The following IFRD2 variants were observed in gnomAD, a reference collection of about 807,000 sequenced individuals.
IFRD2 encodes interferon related developmental regulator 2.
IFRD2 carries 35 observed loss-of-function variants against 49.2 expected under a neutral mutation model. That is an observed-to-expected ratio of 0.71 (90% CI 0.54 to 0.94). The LOEUF is 0.94. Among genes scored for constraint, IFRD2 ranks in the 40% least tolerant of loss-of-function variants. IFRD2 has a pLI of 0.00. For missense variants in IFRD2, 561 were observed against 591.6 expected (o/e 0.95, Z 0.54); for synonymous variants, 275 against 239.7 (o/e 1.15, Z -1.36).
rs782257026 is a variant in IFRD2, at chr3:50,290,525, C to T, written c.178+35G>A. On this transcript the variant is annotated intron_variant, in intron 2 of 11. Coordinates refer to ENST00000417626, the MANE Select transcript of IFRD2 (RefSeq NM_006764.5). ...TCTTGTCCTCAGCCCATGGAGCCCT[C>T]ACCAAGCCCCTGTCAAACTTCCACC... 5.0e-6 allele frequency: 8 copies of T among 1,608,730 alleles called. No homozygotes were observed. The East Asian group carries it at 1.6e-4, about 31-fold the overall frequency.
In IFRD2 at chr3:50,288,922, C is replaced by T. The variant is rs200003252; in HGVS notation, c.901G>A (p.Glu301Lys). The T allele has an allele frequency of 4.6e-5, 74 of 1,612,386 alleles. No homozygotes were observed. Among genetic ancestry groups the T allele is most frequent in the South Asian group, 8.8e-5 (8 of 90,760 alleles). The stretch of plus-strand genomic sequence containing the variant: ...ACACTGCAGAGGGCCTCCATGTCCT[C>T]GTAAACAAACTCCTCCTGCAATGGG... Reference protein sequence around the residue: ...ARDLEEEFVYEDMEALCSVLR... With the variant: ...ARDLEEEFVYKDMEALCSVLR... The change falls in exon 9 of 12, where the codon GAG (glutamate) becomes AAG (lysine). Residue 301 changes from glutamate (E) to lysine (K), a missense_variant. Transcript: ENST00000417626.
At chr3:50,290,743 C>A (rs1413633134) in intron 1 of IFRD2, 64 bp from the exon 2 acceptor site, 22 of 1,571,330 alleles carry the variant, frequency 1.4e-5, no homozygotes, top group Middle Eastern at 1.7e-4. Flanking sequence ...GGGGGTACCT[C>A]ACTCGACCTC....
In IFRD2 at chr3:50,289,310, C is replaced by T. The variant is rs201634662; in HGVS notation, c.830G>A (p.Arg277Gln). Residue 277 changes from arginine (R) to glutamine (Q), a missense_variant, in exon 8 of 12, where the codon CGG becomes CAG. Coordinates refer to ENST00000417626, the MANE Select transcript of IFRD2 (RefSeq NM_006764.5). The stretch of plus-strand genomic sequence containing the variant: ...TGCAATGGTTTCACCGGCAGCGATC[C>T]GCAGGTTCACACTTTCACTGGACAA... ...QLLSSESVNL[R>Q]IAAGETIALL... is the part of the protein sequence containing the mutation. 2.4e-5 allele frequency: 39 copies of T among 1,600,136 alleles called. No individual in the cohort carries two copies. The highest frequency in any genetic ancestry group is 3.4e-5 in the South Asian group (3 of 88,550).
chr3:50,292,241 T>C lies in IFRD2; in HGVS notation c.34A>G (p.Lys12Glu). Residue 12 changes from lysine to glutamate, a missense_variant, in exon 1 of 12, where the codon AAG becomes GAG. By Grantham distance (56) the Lys-to-Glu change is moderately conservative. Coordinates refer to ENST00000417626, the MANE Select transcript of IFRD2 (RefSeq NM_006764.5). ...PRARKGNTLR[K>E]GGQRRGGGAR... ...CCTCCTCCACGGCGCTGACCACCCT[T>C]CCGGAGCGTGTTGCCCTTACGGGCG... is the stretch of plus-strand genomic sequence containing the variant. The C allele has an allele frequency of 4.6e-6, 7 of 1,513,544 alleles. No homozygotes were observed. Among genetic ancestry groups the C allele is most frequent in the Non-Finnish European group, 6.2e-6 (7 of 1,134,514 alleles). The allele number at this position is 1,513,544 out of a possible 1,614,324, so 93.8% of individuals were successfully genotyped here. A position where few individuals can be genotyped will look rare whatever the true frequency, so the allele number is the denominator to read the frequency against.
Position 50,290,415 on chromosome 3 carries a change from T to G in IFRD2, c.236A>C (p.Glu79Ala). The G allele has an allele frequency of 1.3e-6, 2 of 1,579,222 alleles. No homozygotes were observed. Among genetic ancestry groups the G allele is most frequent in the Non-Finnish European group, 1.7e-6 (2 of 1,161,756 alleles). Reference sequence around the variant, plus strand: ...CTTGTCTGTGAGACAGTCCACATACTCCTTCAGCTTTTCCTCAAGGTCTTC... The same window carrying G: ...CTTGTCTGTGAGACAGTCCACATACGCCTTCAGCTTTTCCTCAAGGTCTTC... ...QQEDLEEKLKEYVDCLTDKSA... is the reference protein window; with the variant it reads ...QQEDLEEKLKAYVDCLTDKSA... Residue 79 changes from glutamate (E) to alanine (A), a missense_variant, in exon 3 of 12, where the codon GAG (glutamate) becomes GCG (alanine). Physicochemically the swap from Glu to Ala is moderately radical, Grantham distance 107 (BLOSUM62 -1). Transcript: ENST00000417626.
At position 50,288,101 on chromosome 3, in the gene IFRD2, C is replaced by T; in HGVS notation, c.*90G>A. 8.4e-7 allele frequency: 1 copy of T among 1,184,212 alleles called. No homozygotes were observed. Among genetic ancestry groups the T allele is most frequent in the Non-Finnish European group, 1.2e-6 (1 of 815,570 alleles). The allele number at this position is 1,184,212 out of a possible 1,614,324, so 73.4% of individuals were successfully genotyped here. ...TTTGTCATTAAAAAAAATAAAGTGA[C>T]AAATACTGGTGGAGACCAGTTGTTG... On this transcript the variant is annotated 3_prime_UTR_variant, in exon 12 of 12. Coordinates refer to ENST00000417626, the MANE Select transcript of IFRD2 (RefSeq NM_006764.5).
intron 10 of IFRD2, 30 bp downstream of exon 10, chr3:50,288,553 C>A: frequency 1.2e-6 from 2 of 1,613,976 alleles, no homozygotes; most frequent in South Asian, 2.2e-5. Context: ...GCAACCACAC[C>A]AGATGTCCCC....
chr3:50,290,213 G>A lies in IFRD2; in HGVS notation c.345C>T (p.Arg115=). ...SRLLPDFLLE[R]RLTLADALEK... ...CCAGGGCATCGGCTAGCGTGAGGCG[G>A]CGCTCCAGCAAGAAGTCGGGGAGTA... The change falls in exon 4 of 12, where the codon CGC becomes CGT. Residue 115 remains arginine (R), a synonymous_variant. Coordinates refer to ENST00000417626, the MANE Select transcript of IFRD2 (RefSeq NM_006764.5). 1.2e-6 allele frequency: 2 copies of A among 1,613,708 alleles called. No homozygotes were observed. Among genetic ancestry groups the A allele is most frequent in the Non-Finnish European group, 1.7e-6 (2 of 1,179,778 alleles).
Position 50,290,156 on chromosome 3 carries a change from C to A in IFRD2, c.388+14G>T, listed in dbSNP as rs782067514. The A allele has an allele frequency of 8.7e-6, 14 of 1,613,110 alleles. No individual in the cohort carries two copies. The highest frequency in any genetic ancestry group is 5.5e-5 in the South Asian group (5 of 90,956). On this transcript the variant is annotated intron_variant, in intron 4 of 11. Transcript: ENST00000417626. ...CTGCCCAGTTTAAGTCTCCCACACA[C>A]CCCCAGGTCCAACCTTTCTTGAGGC...
chr3:50,288,467 G>A lies in IFRD2; in HGVS notation c.1190C>T (p.Pro397Leu), dbSNP rs1553708973. The change falls in exon 11 of 12, where the codon CCT (proline) becomes CTT (leucine). Residue 397 changes from proline (P) to leucine (L), a missense_variant. By Grantham distance (98) the Pro-to-Leu change is moderately conservative. Coordinates refer to ENST00000417626, the MANE Select transcript of IFRD2 (RefSeq NM_006764.5). ...GGCAGTGGCATCCAGCAACAGCACA[G>A]GGCCCAGGCCAAAGATGTCACGGAG... ...ELLRDIFGLG[P>L]VLLLDATALK... The A allele has an allele frequency of 6.2e-7, 1 of 1,613,912 alleles. No individual in the cohort carries two copies. The highest frequency in any genetic ancestry group is 8.5e-7 in the Non-Finnish European group (1 of 1,179,850).
Position 50,288,168 on chromosome 3 carries a change from T to G in IFRD2, c.*23A>C. 1 of 1,594,592 alleles carries G rather than the reference T, an allele frequency of 6.3e-7. No homozygotes were observed. On this transcript the variant is annotated 3_prime_UTR_variant, in exon 12 of 12. Coordinates refer to ENST00000417626, the MANE Select transcript of IFRD2 (RefSeq NM_006764.5). ...AAATACGGACCAAGGGCATAGAAAG[T>G]CTCCTCTTCAGCAGGTCCTGCTTCA...
At position 50,292,383 on chromosome 3, in the gene IFRD2, G is replaced by C. The variant is rs781959522; in HGVS notation, c.-109C>G. 1 of 1,583,878 alleles carries C rather than the reference G, an allele frequency of 6.3e-7. No individual in the cohort carries two copies. The highest frequency in any genetic ancestry group is 1.1e-5 in the South Asian group (1 of 88,500). The stretch of plus-strand genomic sequence containing the variant: ...GCGCTGAGACTTGGCCAGACGACGG[G>C]AGCCACACGCCACGCGCGCCACCAT... On this transcript the variant is annotated 5_prime_UTR_variant, in exon 1 of 12. Transcript: ENST00000417626.
rs1553708857 is a variant in IFRD2 at position 50,288,039 on chromosome 3, CG to C, written c.*151del. 1 of 693,172 alleles carries C rather than the reference CG, an allele frequency of 1.4e-6. No individual in the cohort carries two copies. Among genetic ancestry groups the C allele is most frequent in the East Asian group, 2.7e-5 (1 of 36,448 alleles). The allele number at this position is 693,172 out of a possible 1,614,324, so 42.9% of individuals were successfully genotyped here. A position where few individuals can be genotyped will look rare whatever the true frequency, so the allele number is the denominator to read the frequency against. On this transcript the variant is annotated 3_prime_UTR_variant, in exon 12 of 12. Coordinates refer to ENST00000417626, the MANE Select transcript of IFRD2 (RefSeq NM_006764.5). Reference sequence around the variant, plus strand: ...CAAAGGGGTCAGGGTCCCAAGTGTCCGGGCCCCCAGCTACCCACCCCATGTC... The same window carrying C: ...CAAAGGGGTCAGGGTCCCAAGTGTCCGGCCCCCAGCTACCCACCCCATGTC...
At position 50,290,195 on chromosome 3, in the gene IFRD2, A is replaced by G. The variant is rs1553709537; in HGVS notation, c.363T>C (p.Asp121=). Residue 121 remains aspartate, a synonymous_variant, in exon 4 of 12, where the codon GAT becomes GAC. Transcript: ENST00000417626. The part of the protein sequence containing the change: ...FLLERRLTLA[D]ALEKCLKKGK... ...CTTTCTTGAGGCACTTTTCCAGGGC[A>G]TCGGCTAGCGTGAGGCGGCGCTCCA... 4 of 1,613,886 alleles carry G rather than the reference A, an allele frequency of 2.5e-6. No homozygotes were observed. The highest frequency in any genetic ancestry group is 1.3e-5 in the African/African-American group (1 of 75,062).
Position 50,288,125 on chromosome 3 carries a change from T to C in IFRD2, c.*66A>G. 2 of 1,323,832 alleles carry C rather than the reference T, an allele frequency of 1.5e-6. No individual in the cohort carries two copies. The highest frequency in any genetic ancestry group is 2.4e-5 in the South Asian group (2 of 82,330). 82.0% of individuals were successfully genotyped at this position (1,323,832 alleles called of 1,614,324 possible). A position where few individuals can be genotyped will look rare whatever the true frequency, so the allele number is the denominator to read the frequency against. ...ACAAATACTGGTGGAGACCAGTTGT[T>C]GCACTGTCTTCTGTTAAAAATACGG... On this transcript the variant is annotated 3_prime_UTR_variant, in exon 12 of 12. Transcript: ENST00000417626.
chr3:50,292,306 A>T lies in IFRD2; in HGVS notation c.-32T>A. 1 of 1,563,812 alleles carries T rather than the reference A, an allele frequency of 6.4e-7. No homozygotes were observed. The highest frequency in any genetic ancestry group is 1.2e-5 in the South Asian group (1 of 86,036). On this transcript the variant is annotated 5_prime_UTR_variant, in exon 1 of 12. It removes the in-frame stop codon of an upstream open reading frame in the 5' UTR. Coordinates refer to ENST00000417626, the MANE Select transcript of IFRD2 (RefSeq NM_006764.5). ...AACCGGGCGCGGGGGGCGCGGGGTC[A>T]GGGACCCGGTGGGTGTGGGCTCCAG...
intron 1 of IFRD2, chr3:50,291,720 G>C (rs1701677315): frequency 6.3e-6 from 1 of 158,280 alleles, no homozygotes; most frequent in Non-Finnish European, 1.4e-5. Context: ...CCTGGTCTAA[G>C]CTGATAAGCG....
intron 1 of IFRD2, 132 bp downstream of exon 1, chr3:50,292,085 A>T: frequency 1.0e-6 from 1 of 974,162 alleles, no homozygotes; most frequent in Non-Finnish European, 1.4e-6. Flanking sequence ...CAGCCTCGGT[A>T]GAGTTATGGG....
chr3:50,292,289 G>T lies in IFRD2; in HGVS notation c.-15C>A. 6.5e-7 allele frequency: 1 copy of T among 1,549,774 alleles called. No homozygotes were observed. ...GCGCGAGGCATGCCGGGAACCGGGCGCGGGGGGCGCGGGGTCAGGGACCCG... is the reference window on the plus strand; with the variant it reads ...GCGCGAGGCATGCCGGGAACCGGGCTCGGGGGGCGCGGGGTCAGGGACCCG... On this transcript the variant is annotated 5_prime_UTR_variant, in exon 1 of 12. Coordinates refer to ENST00000417626, the MANE Select transcript of IFRD2 (RefSeq NM_006764.5).
Sources: allele counts gnomAD v4.1 joint callset, GRCh38; gene constraint gnomAD v4.1.1; transcripts MANE v1.5; gene names NCBI Gene and HGNC (gene_info 2026-07-23, HGNC 2026-07-21).